Variants in PDE1C observed in about 807,000 individuals in gnomAD.
The protein encoded by PDE1C is phosphodiesterase 1C.
A neutral mutation model predicts 93.1 loss-of-function variants in PDE1C; 62 were observed. The observed-to-expected ratio is 0.67, with a 90% CI of 0.54 to 0.82. The LOEUF is 0.82. Ranked by LOEUF, PDE1C falls within the 40% of genes least tolerant of loss-of-function variation. The pLI is 0.00. For synonymous variants in PDE1C, 325 were observed against 310.1 expected, an observed-to-expected ratio of 1.05 and a Z score of -0.50; for missense variants, 742 against 884.6, an observed-to-expected ratio of 0.84 and a Z score of 2.04.
intron 2 of PDE1C, among the ~76,000 whole-genome samples, chr7:31,901,725 A>T (rs1423052500): frequency 2.0e-5 from 3 of 151,556 alleles, no homozygotes; most frequent in Non-Finnish European, 4.4e-5. Flanking sequence ...AAAAATATAA[A>T]TTTTAAAAAT....
At chr7:32,389,191 G>GTGTGTGTGGT (rs1554316206) in intron 1 of PDE1C, among the ~76,000 whole-genome samples, 1 of 15,040 alleles carries the variant, frequency 6.6e-5, no homozygotes, top group African/African-American at 2.2e-4. Context: ...TGTGTGTGTG[G>GTGTGTGTGGT]TTTTTTTGGT....
At chr7:32,341,229 G>A (rs1653880) in intron 1 of PDE1C, among the ~76,000 whole-genome samples, 78,297 of 124,820 alleles carry the variant, frequency 0.63, 27,940 homozygotes, top group Non-Finnish European at 0.77. Flanking sequence ...AGGCTGGAGT[G>A]CAGTGGCGCG....
the PDE1C span, among the ~76,000 whole-genome samples, chr7:31,625,797 GA>G: frequency 1.3e-5 from 2 of 150,730 alleles, no homozygotes; most frequent in African/African-American, 4.9e-5. Context: ...TAAAGAATTA[GA>G]ATAAGCTTTC....
chr7:31,699,506 G>C, the PDE1C span, among the ~76,000 whole-genome samples: 1 of 152,190 alleles, frequency 6.6e-6, no homozygotes, highest in Non-Finnish European at 1.5e-5. Context: ...AATTTGTTAA[G>C]TTTGATTGCT....
chr7:31,720,753 G>A, the PDE1C span, among the ~76,000 whole-genome samples: 1 of 152,158 alleles, frequency 6.6e-6, no homozygotes, highest in Non-Finnish European at 1.5e-5. Flanking sequence ...CCAAAACAGA[G>A]GATGCTTTTG....
At chr7:32,004,361 C>A (rs1785894669) in intron 2 of PDE1C, among the ~76,000 whole-genome samples, 1 of 152,098 alleles carries the variant, frequency 6.6e-6, no homozygotes, top group Non-Finnish European at 1.5e-5. Flanking sequence ...GCTACAAAGG[C>A]CTGGAAAAGG....
chr7:31,900,687 T>C (rs1277174970), intron 2 of PDE1C, among the ~76,000 whole-genome samples: 1 of 151,896 alleles, frequency 6.6e-6, no homozygotes, highest in African/African-American at 2.4e-5. Context: ...ATATTGCAGC[T>C]ATATCACAAC....
chr7:32,053,281 T>C (rs2128691957), intron 1 of PDE1C, among the ~76,000 whole-genome samples: 1 of 152,274 alleles, frequency 6.6e-6, no homozygotes, highest in Middle Eastern at 3.4e-3. Flanking sequence ...GGGCAAGTTC[T>C]TTGTGTGGTT....
intron 1 of PDE1C, among the ~76,000 whole-genome samples, chr7:32,055,311 G>A (rs1793921257): frequency 6.6e-6 from 1 of 152,144 alleles, no homozygotes; most frequent in South Asian, 2.1e-4. Context: ...GCTCACATTT[G>A]TTGAGCACCT....
At chr7:32,195,863 A>G (rs978928638) in intron 2 of PDE1C, among the ~76,000 whole-genome samples, 3 of 152,156 alleles carry the variant, frequency 2.0e-5, no homozygotes, top group Non-Finnish European at 2.9e-5. Context: ...CCATTGCTCC[A>G]TTGACACCTG....
intron 3 of PDE1C, among the ~76,000 whole-genome samples, chr7:32,085,984 G>A (rs1262075870): frequency 6.6e-6 from 1 of 151,666 alleles, no homozygotes; most frequent in African/African-American, 2.4e-5. Flanking sequence ...ATTCAACATA[G>A]TGCTGGAAGT....
the PDE1C span, among the ~76,000 whole-genome samples, chr7:31,741,136 T>C: frequency 2.0e-5 from 3 of 152,288 alleles, no homozygotes; most frequent in Admixed American, 2.0e-4. Context: ...TATAATATAA[T>C]GTTGTTTTGA....
the PDE1C span, among the ~76,000 whole-genome samples, chr7:31,688,196 A>G: frequency 2.0e-5 from 3 of 152,104 alleles, no homozygotes; most frequent in Non-Finnish European, 2.9e-5. Flanking sequence ...ACTCTCAACA[A>G]CCCTGGAGAA....
At chr7:31,852,621 C>T (rs1340626875) in intron 7 of PDE1C, among the ~76,000 whole-genome samples, 1 of 152,052 alleles carries the variant, frequency 6.6e-6, no homozygotes, top group African/African-American at 2.4e-5. Context: ...TTGCTATCCC[C>T]ACTTGACAGA....
At chr7:31,966,297 A>G (rs28782808) in intron 2 of PDE1C, among the ~76,000 whole-genome samples, 5,919 of 152,136 alleles carry the variant, frequency 0.039, 392 homozygotes, top group African/African-American at 0.14. Flanking sequence ...AAAAAAGGCA[A>G]GGGTTGCAAT....
At chr7:32,003,332 C>G (rs1357637779) in intron 2 of PDE1C, among the ~76,000 whole-genome samples, 1 of 152,220 alleles carries the variant, frequency 6.6e-6, no homozygotes, top group Non-Finnish European at 1.5e-5. Flanking sequence ...GAAGTAACTA[C>G]TACTTCAATA....
At chr7:32,005,578 A>AAAAAAACAAC (rs1204630246) in intron 2 of PDE1C, among the ~76,000 whole-genome samples, 1 of 103,716 alleles carries the variant, frequency 9.6e-6, no homozygotes, top group Non-Finnish European at 2.0e-5. Context: ...AAAAAAAAAA[A>AAAAAAACAAC]AAAGAATTGT....
At chr7:32,096,860 T>TAGATAGATAGAC (rs1300516444) in intron 3 of PDE1C, among the ~76,000 whole-genome samples, 229 of 150,506 alleles carry the variant, frequency 1.5e-3, no homozygotes, top group African/African-American at 4.9e-3. Flanking sequence ...GATAGATAGA[T>TAGATAGATAGAC]AGACAGACAG....
the PDE1C span, among the ~76,000 whole-genome samples, chr7:31,672,715 C>T: frequency 6.6e-6 from 1 of 152,162 alleles, no homozygotes; most frequent in Non-Finnish European, 1.5e-5. Flanking sequence ...AGTCCATCAG[C>T]CATCATCACT....
Sources: gnomAD v4.1 joint callset for allele counts (sites outside exome capture counted in the v4.1 genomes callset) on GRCh38, gnomAD v4.1.1 for gene constraint, MANE v1.5 for transcripts, NCBI Gene and HGNC (gene_info 2026-07-23, HGNC 2026-07-21) for gene names.